Variants in RAB39A observed in about 807,000 individuals in gnomAD.
RAB39A encodes ras-related protein Rab-39A.
In RAB39A, 17 loss-of-function variants were observed where a neutral mutation model predicts 20.9. That is an observed-to-expected ratio of 0.81 (90% CI 0.56 to 1.22). RAB39A has a LOEUF of 1.22. RAB39A is among the 50% of genes most tolerant of loss of function. The probability of loss-of-function intolerance (pLI) is 0.00; values close to 1 mark genes in which losing one functional copy is unlikely to be tolerated. For synonymous variants in RAB39A, 99 were observed against 103.4 expected (o/e 0.96, Z 0.26); for missense variants, 234 against 270.5 (o/e 0.87, Z 0.95).
In RAB39A at chr11:107,961,991, A is replaced by G; in HGVS notation, c.273A>G (p.Leu91=). ...ACCGCAACTCAGTTGGTGGATTTTT[A>G]GTATTTGACATTACTAACCGACGAT... is the stretch of plus-strand genomic sequence containing the variant. ...SYYRNSVGGF[L]VFDITNRRSF... Residue 91 remains leucine, a synonymous_variant, in exon 2 of 2, where the codon TTA becomes TTG. Transcript: ENST00000320578. 6.2e-7 allele frequency: 1 copy of G among 1,613,326 alleles called. No homozygotes were observed. Among genetic ancestry groups the G allele is most frequent in the Non-Finnish European group, 8.5e-7 (1 of 1,179,346 alleles).
At position 107,929,485 on chromosome 11, in the gene RAB39A, G is replaced by GGTGT. The variant is rs10687737; in HGVS notation, c.227+709_227+712dup. On this transcript the variant is annotated intron_variant, in intron 1 of 1. Transcript: ENST00000320578. The stretch of plus-strand genomic sequence containing the variant: ...CATCAGGGACACTGGCACAGCTGAG[G>GGTGT]GTGTGTGTGTGTGTGTGTGTGTATG... Among the ~76,000 whole-genome samples the GGTGT allele has an allele frequency of 9.3e-3, 1,398 of 149,690 alleles. 15 individuals carry two copies. Among genetic ancestry groups the GGTGT allele is most frequent in the African/African-American group, 0.031 (1,260 of 40,940 alleles).
rs1004649138 is a variant in RAB39A at position 107,928,865 on chromosome 11, T to C, written c.227+70T>C. The C allele has an allele frequency of 1.3e-4, 169 of 1,299,174 alleles. No homozygotes were observed. Among genetic ancestry groups the C allele is most frequent in the Middle Eastern group, 5.6e-4 (2 of 3,598 alleles). The allele number at this position is 1,299,174 out of a possible 1,614,324, so 80.5% of individuals were successfully genotyped here. A position where few individuals can be genotyped will look rare whatever the true frequency, so the allele number is the denominator to read the frequency against. On this transcript the variant is annotated intron_variant, in intron 1 of 1. Transcript: ENST00000320578. The surrounding 1 kb of genome is among the most constrained non-coding windows in gnomAD (Gnocchi z 4.9). Reference sequence around the variant, plus strand: ...CGCCCGGACGCCCCTTCCCCAGGCGTCCGCCCCGCCGGCCCTGGTCGGGAG... The same window carrying C: ...CGCCCGGACGCCCCTTCCCCAGGCGCCCGCCCCGCCGGCCCTGGTCGGGAG...
intron 1 of RAB39A, among the ~76,000 whole-genome samples, chr11:107,947,356 C>G (rs11212456): frequency 6.6e-6 from 1 of 152,104 alleles, no homozygotes; most frequent in African/African-American, 2.4e-5. Context: ...ATTCACCGAC[C>G]TCAGCCTCCC....
At position 107,945,108 on chromosome 11, in the gene RAB39A, C is replaced by A. The variant is rs1861295410; in HGVS notation, c.227+16313C>A. On this transcript the variant is annotated intron_variant, in intron 1 of 1. Coordinates refer to ENST00000320578, the MANE Select transcript of RAB39A (RefSeq NM_017516.3). ...TGAGGCAGGAGAATCGCTTGAACCC[C>A]AGGGGGCGGAGGTTGCAGTGAGCCA... Among the ~76,000 whole-genome samples, 2 of 151,384 alleles carry A rather than the reference C, an allele frequency of 1.3e-5. 1 individual carries two copies. Among genetic ancestry groups the A allele is most frequent in the South Asian group, 4.2e-4 (2 of 4,782 alleles).
intron 1 of RAB39A, among the ~76,000 whole-genome samples, chr11:107,943,585 A>G (rs1410582356): frequency 6.6e-6 from 1 of 152,084 alleles, no homozygotes; most frequent in Non-Finnish European, 1.5e-5. Context: ...AAAAAAAAAA[A>G]AAGAAATTAA....
chr11:107,943,628 C>G (rs955533676), intron 1 of RAB39A, among the ~76,000 whole-genome samples: 1 of 151,402 alleles, frequency 6.6e-6, no homozygotes, highest in Non-Finnish European at 1.5e-5. Flanking sequence ...GAAATCCATG[C>G]ATTTATTTAC....
Position 107,928,661 on chromosome 11 carries a change from C to T in RAB39A, c.93C>T (p.Gly31=). The T allele has an allele frequency of 1.2e-6, 2 of 1,612,686 alleles. No homozygotes were observed. Among genetic ancestry groups the T allele is most frequent in the Non-Finnish European group, 8.5e-7 (1 of 1,179,158 alleles). The change falls in exon 1 of 2, where the codon GGC becomes GGT. Residue 31 remains glycine, a synonymous_variant. Coordinates refer to ENST00000320578, the MANE Select transcript of RAB39A (RefSeq NM_017516.3). This position sits in a 1 kb window ranked among gnomAD's most constrained non-coding sequence, Gnocchi z 4.9. ...KSCLLHRFTQ[G]RFPGLRSPAC... ...GCCTCCTGCACCGCTTCACCCAGGG[C>T]CGCTTCCCCGGGCTGCGCTCCCCCG...
At chr11:107,961,832 T>C in intron 1 of RAB39A, 114 bp from the exon 2 acceptor site, 1 of 849,342 alleles carries the variant, frequency 1.2e-6, no homozygotes, top group African/African-American at 1.7e-5. Flanking sequence ...ATTTATAAAT[T>C]CTAGTTAAAT....
intron 1 of RAB39A, among the ~76,000 whole-genome samples, chr11:107,946,232 A>G (rs910699976): frequency 6.9e-6 from 1 of 145,002 alleles, no homozygotes; most frequent in African/African-American, 2.6e-5. Context: ...AGAATGTTAA[A>G]AAACAAAAAA....
intron 1 of RAB39A, among the ~76,000 whole-genome samples, chr11:107,946,229 T>TA (rs1420026025): frequency 1.5e-5 from 2 of 135,830 alleles, no homozygotes; most frequent in African/African-American, 5.7e-5. Context: ...AAGAGAATGT[T>TA]AAAAAACAAA....
rs1046467465 is a variant in RAB39A, at chr11:107,928,471, C to T, written c.-98C>T. On this transcript the variant is annotated 5_prime_UTR_variant, in exon 1 of 2. Coordinates refer to ENST00000320578, the MANE Select transcript of RAB39A (RefSeq NM_017516.3). This position sits in a 1 kb window ranked among gnomAD's most constrained non-coding sequence, Gnocchi z 4.9. ...GCAGCCGCAGGAATATGCTGGAAGG[C>T]GGCGGGCGGGCGCCCGCGAGGTGCT... is the stretch of plus-strand genomic sequence containing the variant. 12 of 886,520 alleles carry T rather than the reference C, an allele frequency of 1.4e-5. No individual in the cohort carries two copies. The highest frequency in any genetic ancestry group is 1.7e-5 in the Non-Finnish European group (11 of 645,896). The allele number at this position is 886,520 out of a possible 1,614,324, so 54.9% of individuals were successfully genotyped here.
At chr11:107,949,479 A>G (rs1198808979) in intron 1 of RAB39A, among the ~76,000 whole-genome samples, 5 of 152,330 alleles carry the variant, frequency 3.3e-5, no homozygotes, top group Admixed American at 2.0e-4. Flanking sequence ...AGAAAAAGCC[A>G]TATGGAAACA....
intron 1 of RAB39A, among the ~76,000 whole-genome samples, chr11:107,953,050 A>G (rs1351165412): frequency 6.6e-6 from 1 of 152,218 alleles, no homozygotes; most frequent in Non-Finnish European, 1.5e-5. Context: ...TCATAGGGAT[A>G]GGATTTTAGT....
intron 1 of RAB39A, among the ~76,000 whole-genome samples, chr11:107,948,409 G>A (rs1412233338): frequency 2.0e-5 from 3 of 151,946 alleles, no homozygotes; most frequent in South Asian, 2.1e-4. Context: ...CTTAGGCAGC[G>A]TCATGTGAAT....
rs535086438 is a variant in RAB39A, at chr11:107,953,601, AT to A, written c.228-8342del. ...CATCACGGGGTTTTCTAGTGAAAGC[AT>A]TTCTCCCTTGAATACTAAAACGTTT... On this transcript the variant is annotated intron_variant, in intron 1 of 1. Transcript: ENST00000320578. 4.3e-4 allele frequency among the ~76,000 whole-genome samples: 65 copies of A among 152,280 alleles called. 1 individual carries two copies. The South Asian group carries it at 0.013, about 31-fold the overall frequency.
At chr11:107,949,568 CTG>C (rs1457024795) in intron 1 of RAB39A, among the ~76,000 whole-genome samples, 3 of 152,108 alleles carry the variant, frequency 2.0e-5, no homozygotes, top group Admixed American at 2.0e-4. Context: ...ACATAATCCA[CTG>C]TGTTATATGG....
chr11:107,932,733 A>G (rs578112180), intron 1 of RAB39A, among the ~76,000 whole-genome samples: 1 of 152,198 alleles, frequency 6.6e-6, no homozygotes, highest in South Asian at 2.1e-4. Context: ...TTGTTTTTTG[A>G]GACAATCTCG....
intron 1 of RAB39A, among the ~76,000 whole-genome samples, chr11:107,948,550 A>T (rs2134965705): frequency 6.6e-6 from 1 of 151,668 alleles, no homozygotes; most frequent in Non-Finnish European, 1.5e-5. Context: ...CCCAGGCTGG[A>T]GTGCAGTGGC....
At chr11:107,954,854 C>T (rs1393014852) in intron 1 of RAB39A, among the ~76,000 whole-genome samples, 3 of 152,112 alleles carry the variant, frequency 2.0e-5, no homozygotes, top group African/African-American at 7.2e-5. Context: ...TCAGAACACC[C>T]AGCTTATGAT....
Sources: allele counts gnomAD v4.1 joint callset (sites outside exome capture counted in the v4.1 genomes callset), GRCh38; gene constraint gnomAD v4.1.1; non-coding constraint Gnocchi (gnomAD v3.1); transcripts MANE v1.5; gene names NCBI Gene and HGNC (gene_info 2026-07-23, HGNC 2026-07-21).